The following CAMTA1 variants were observed in gnomAD, a reference collection of about 807,000 sequenced individuals.
CAMTA1 encodes the protein calmodulin-binding transcription activator 1.
CAMTA1 carries 27 observed loss-of-function variants against 170.9 expected under a neutral mutation model. The observed-to-expected ratio is 0.16, with a 90% CI of 0.12 to 0.22. The LOEUF (loss-of-function observed/expected upper bound fraction) is 0.22. Ranked by LOEUF, CAMTA1 falls within the 10% of genes least tolerant of loss-of-function variation. The pLI, the probability that CAMTA1 is intolerant of heterozygous loss-of-function variation, is 1.00. For missense variants in CAMTA1, 1,619 were observed against 2,217.2 expected (o/e 0.73, Z 5.42); for synonymous variants, 833 against 891.5 (o/e 0.93, Z 1.17).
intron 11 of CAMTA1, among the ~76,000 whole-genome samples, chr1:7,716,510 A>G (rs2096610979): frequency 6.6e-6 from 1 of 152,202 alleles, no homozygotes; most frequent in Non-Finnish European, 1.5e-5. Context: ...TTGTAGCACT[A>G]TGAAAAACAT....
At chr1:7,510,325 G>A (rs2094186702) in intron 6 of CAMTA1, among the ~76,000 whole-genome samples, 1 of 144,916 alleles carries the variant, frequency 6.9e-6, no homozygotes, top group Admixed American at 6.9e-5. Context: ...GCCCAGAATG[G>A]CTGTTTTGTT....
intron 4 of CAMTA1, among the ~76,000 whole-genome samples, chr1:7,104,600 G>T (rs1246381426): frequency 6.6e-6 from 1 of 152,162 alleles, no homozygotes; most frequent in Non-Finnish European, 1.5e-5. Context: ...CTCAGATTTG[G>T]CTGATGTCAG....
intron 4 of CAMTA1, among the ~76,000 whole-genome samples, chr1:7,120,666 G>T (rs1007410488): frequency 6.6e-6 from 1 of 152,172 alleles, no homozygotes. Flanking sequence ...TAGGGATAAC[G>T]CAGGGGGGAT....
At chr1:6,807,168 G>T in intron 1 of CAMTA1, 1 of 449,130 alleles carries the variant, frequency 2.2e-6, no homozygotes, top group South Asian at 5.1e-5. Flanking sequence ...GAGGAAAATG[G>T]GAATTAATTG....
In CAMTA1 at chr1:6,785,524, G is replaced by C. The variant is rs1291815928; in HGVS notation, c.-7G>C. ...CGCTCGGGGTCCCGGTCGCGAGGAGGAGGAGGATGTGGCGCGCGGAGGGGA... is the reference window on the plus strand; with the variant it reads ...CGCTCGGGGTCCCGGTCGCGAGGAGCAGGAGGATGTGGCGCGCGGAGGGGA... On this transcript the variant is annotated 5_prime_UTR_variant, in exon 1 of 23. Coordinates refer to ENST00000303635, the MANE Select transcript of CAMTA1 (RefSeq NM_015215.4). 1 of 1,072,020 alleles carries C rather than the reference G, an allele frequency of 9.3e-7. No individual in the cohort carries two copies. Among genetic ancestry groups the C allele is most frequent in the Non-Finnish European group, 1.1e-6 (1 of 871,620 alleles). 66.4% of individuals were successfully genotyped at this position (1,072,020 alleles called of 1,614,324 possible).
At chr1:7,275,165 AAG>A (rs1320645569) in intron 5 of CAMTA1, among the ~76,000 whole-genome samples, 5 of 118,728 alleles carry the variant, frequency 4.2e-5, no homozygotes, top group African/African-American at 8.9e-5. Flanking sequence ...AAAAAAAAAG[AAG>A]AAAGAAAATA....
intron 5 of CAMTA1, among the ~76,000 whole-genome samples, chr1:7,453,813 G>A (rs947234640): frequency 1.3e-5 from 2 of 152,252 alleles, no homozygotes; most frequent in East Asian, 1.9e-4. Flanking sequence ...GGAAAGGGAC[G>A]GTGGGGTTCC....
intron 3 of CAMTA1, among the ~76,000 whole-genome samples, chr1:7,051,971 G>C (rs141858418): frequency 6.6e-6 from 1 of 151,620 alleles, no homozygotes; most frequent in Non-Finnish European, 1.5e-5. Context: ...CCCTTCTTCC[G>C]CTCAGGGGCT....
At chr1:7,316,240 C>G (rs2149654214) in intron 5 of CAMTA1, among the ~76,000 whole-genome samples, 1 of 152,326 alleles carries the variant, frequency 6.6e-6, no homozygotes, top group South Asian at 2.1e-4. Context: ...CACAGCCAAA[C>G]CATGTCATCC....
At position 7,746,707 on chromosome 1, in the gene CAMTA1, T is replaced by C. The variant is rs151020882; in HGVS notation, c.4617+616T>C. On this transcript the variant is annotated intron_variant, in intron 18 of 22. Transcript: ENST00000303635. ...TGGAGAAGTGCAGTGGTGCAATCTC[T>C]GCTCACTGCAACCTCCACCTCCCAA... is the stretch of plus-strand genomic sequence containing the variant. Among the ~76,000 whole-genome samples, 115 of 152,294 alleles carry C rather than the reference T, an allele frequency of 7.6e-4. 1 individual carries two copies. In the East Asian group the frequency reaches 0.019, roughly 26 times the overall value.
intron 3 of CAMTA1, among the ~76,000 whole-genome samples, chr1:7,002,072 A>G (rs977149609): frequency 2.0e-5 from 3 of 151,684 alleles, no homozygotes; most frequent in African/African-American, 7.3e-5. Flanking sequence ...AAATTTTTGT[A>G]TTTTTAGTAG....
intron 10 of CAMTA1, chr1:7,672,127 C>T (rs1014379233): frequency 2.7e-5 from 12 of 451,950 alleles, no homozygotes; most frequent in South Asian, 4.7e-5. Context: ...GGGTGCGGAA[C>T]GGCAGGGAGA....
At chr1:6,837,289 C>G (rs2148656461) in intron 3 of CAMTA1, among the ~76,000 whole-genome samples, 1 of 152,210 alleles carries the variant, frequency 6.6e-6, no homozygotes, top group East Asian at 1.9e-4. Context: ...TAGGAAGAGT[C>G]AGAAGGTCAA....
chr1:7,258,953 C>T (rs890234793), intron 5 of CAMTA1, among the ~76,000 whole-genome samples: 1 of 152,086 alleles, frequency 6.6e-6, no homozygotes, highest in Non-Finnish European at 1.5e-5. Context: ...TCCCACACGC[C>T]GGGGCAAAAA....
chr1:7,663,434 G>T lies in CAMTA1; in HGVS notation c.887G>T (p.Gly296Val). ...CCCAAGGTGGAGCCACGGACAGGGGGGTACGGGAGCCACTCGGAGGTGCAG... is the reference window on the plus strand; with the variant it reads ...CCCAAGGTGGAGCCACGGACAGGGGTGTACGGGAGCCACTCGGAGGTGCAG... ...ISPKVEPRTG[G>V]YGSHSEVQHN... Residue 296 changes from glycine (G) to valine (V), a missense_variant, in exon 9 of 23, where the codon GGG becomes GTG. Physicochemically the swap from Gly to Val is moderately radical, Grantham distance 109. Transcript: ENST00000303635. 6.3e-7 allele frequency: 1 copy of T among 1,574,916 alleles called. No homozygotes were observed. The highest frequency in any genetic ancestry group is 8.7e-7 in the Non-Finnish European group (1 of 1,155,060).
chr1:7,607,101 G>A (rs2095491705), intron 6 of CAMTA1, among the ~76,000 whole-genome samples: 1 of 151,606 alleles, frequency 6.6e-6, no homozygotes, highest in African/African-American at 2.4e-5. Context: ...GGATGGAGGA[G>A]TAGGTGGGTA....
chr1:6,868,359 CTG>C (rs906721328), intron 3 of CAMTA1, among the ~76,000 whole-genome samples: 1 of 146,580 alleles, frequency 6.8e-6, no homozygotes, highest in Admixed American at 6.8e-5. Context: ...CAAAAAACGA[CTG>C]TATAGGGTTA....
In CAMTA1 at chr1:7,498,533, T is replaced by C. The variant is rs188053332; in HGVS notation, c.510+30632T>C. The stretch of plus-strand genomic sequence containing the variant: ...GGTGTATATGCATAGGAATGTTGTG[T>C]TGCATGTGTGCATGTTAATCTACCT... On this transcript the variant is annotated intron_variant, in intron 6 of 22. Coordinates refer to ENST00000303635, the MANE Select transcript of CAMTA1 (RefSeq NM_015215.4). 2.6e-5 allele frequency among the ~76,000 whole-genome samples: 4 copies of C among 152,144 alleles called. No individual in the cohort carries two copies. In the East Asian group the frequency reaches 5.8e-4, roughly 22 times the overall value.
chr1:7,202,454 G>A (rs529227656), intron 4 of CAMTA1, among the ~76,000 whole-genome samples: 1 of 152,284 alleles, frequency 6.6e-6, no homozygotes, highest in African/African-American at 2.4e-5. Context: ...AGATTGAATT[G>A]ACTCTGTAGA....
Sources: gnomAD v4.1 joint callset for allele counts (sites outside exome capture counted in the v4.1 genomes callset) on GRCh38, gnomAD v4.1.1 for gene constraint, MANE v1.5 for transcripts, NCBI Gene and HGNC (gene_info 2026-07-23, HGNC 2026-07-21) for gene names.